Variants in LIMA1 observed in about 807,000 individuals in gnomAD.
The protein encoded by LIMA1 is LIM domain and actin binding 1, also known as LIM domain and actin-binding protein 1.
In LIMA1, 52 loss-of-function variants were observed where a neutral mutation model predicts 62.6. The observed-to-expected ratio is 0.83, with a 90% confidence interval of 0.67 to 1.05. LIMA1 has a LOEUF of 1.05. LIMA1 is among the 50% of genes least tolerant of loss of function. The pLI, the probability that LIMA1 is intolerant of heterozygous loss-of-function variation, is 0.00. For missense variants in LIMA1, 780 were observed against 902.2 expected, an observed-to-expected ratio of 0.86 and a Z score of 1.74; for synonymous variants, 302 against 317.8, an observed-to-expected ratio of 0.95 and a Z score of 0.53.
At chr12:50,237,766 A>G (rs1941716944) in intron 2 of LIMA1, among the ~76,000 whole-genome samples, 1 of 152,268 alleles carries the variant, frequency 6.6e-6, no homozygotes, top group African/African-American at 2.4e-5. Context: ...AACAGAACAC[A>G]CAGCCCAGAA....
At chr12:50,221,557 G>A (rs1187803276) in intron 4 of LIMA1, among the ~76,000 whole-genome samples, 2 of 152,186 alleles carry the variant, frequency 1.3e-5, no homozygotes, top group Non-Finnish European at 2.9e-5. Flanking sequence ...AGGCACAGAT[G>A]AGGAAGTTGA....
At position 50,204,693 on chromosome 12, in the gene LIMA1, C is replaced by T; in HGVS notation, c.723G>A (p.Leu241=). The change falls in exon 6 of 11, where the codon TTG becomes TTA. Residue 241 remains leucine, a synonymous_variant. Coordinates refer to ENST00000341247, the MANE Select transcript of LIMA1 (RefSeq NM_016357.5). The stretch of plus-strand genomic sequence containing the variant: ...TCTCCGAGTCAAATGTAGAAGATGA[C>T]AACTGACCTGGAAGCATCCAAATAA... ...LDDLEIGPGQ[L]SSSTFDSEKN... 1 of 1,614,056 alleles carries T rather than the reference C, an allele frequency of 6.2e-7. No individual in the cohort carries two copies. The highest frequency in any genetic ancestry group is 8.5e-7 in the Non-Finnish European group (1 of 1,179,964).
At chr12:50,185,623 T>A (rs1940613564) in intron 9 of LIMA1, 1 of 388,152 alleles carries the variant, frequency 2.6e-6, no homozygotes, top group Non-Finnish European at 5.1e-6. Context: ...CTCACTCGTA[T>A]CTACCTGAGG....
chr12:50,272,877 C>A (rs1163442760), intron 1 of LIMA1, among the ~76,000 whole-genome samples: 1 of 151,314 alleles, frequency 6.6e-6, no homozygotes, highest in Non-Finnish European at 1.5e-5. Context: ...GAAACCCCTT[C>A]TCTACTAAAA....
rs776522627 is a variant in LIMA1, at chr12:50,204,558, G to A, written c.858C>T (p.Asn286=). The change falls in exon 6 of 11, where the codon AAC becomes AAT. Residue 286 remains asparagine, a synonymous_variant. Coordinates refer to ENST00000341247, the MANE Select transcript of LIMA1 (RefSeq NM_016357.5). Reference sequence around the variant, plus strand: ...AATGATGCAGAACACATACTGTATAGTTGGTTGAGCTGCTTTGTTTGGACA... The same window carrying A: ...AATGATGCAGAACACATACTGTATAATTGGTTGAGCTGCTTTGTTTGGACA... ...AAVSKQSSST[N]YTNELKASGG... 1 of 1,614,016 alleles carries A rather than the reference G, an allele frequency of 6.2e-7. No homozygotes were observed. The highest frequency in any genetic ancestry group is 8.5e-7 in the Non-Finnish European group (1 of 1,179,978).
chr12:50,196,938 T>C (rs939819856), intron 7 of LIMA1, among the ~76,000 whole-genome samples: 8 of 152,212 alleles, frequency 5.3e-5, no homozygotes, highest in African/African-American at 1.9e-4. Context: ...TCTAATGATA[T>C]GAAATAAATT....
chr12:50,257,206 A>G (rs77498015), intron 1 of LIMA1, among the ~76,000 whole-genome samples: 2,707 of 152,298 alleles, frequency 0.018, 82 homozygotes, highest in African/African-American at 0.061. Flanking sequence ...AAATTCTTCT[A>G]TAACGAAGAT....
chr12:50,179,414 A>G (rs1175559076), intron 10 of LIMA1, among the ~76,000 whole-genome samples: 4 of 149,442 alleles, frequency 2.7e-5, no homozygotes, highest in Non-Finnish European at 5.9e-5. Context: ...GGCTGGGATT[A>G]CAGGCGTGAG....
At chr12:50,225,659 T>C (rs1941516572) in intron 3 of LIMA1, among the ~76,000 whole-genome samples, 1 of 152,148 alleles carries the variant, frequency 6.6e-6, no homozygotes, top group Non-Finnish European at 1.5e-5. Context: ...TTCCAGCAGT[T>C]CTCTTGCCTC....
chr12:50,267,655 G>C (rs1167135361), intron 1 of LIMA1, among the ~76,000 whole-genome samples: 1 of 151,674 alleles, frequency 6.6e-6, no homozygotes, highest in East Asian at 1.9e-4. Context: ...GAGTAGTTGG[G>C]ACTACAGGTG....
intron 8 of LIMA1, among the ~76,000 whole-genome samples, chr12:50,192,803 A>G (rs74092543): frequency 0.021 from 3,162 of 152,334 alleles, 102 homozygotes; most frequent in African/African-American, 0.071. Flanking sequence ...CACACGTAGC[A>G]GAAATCCAAA....
At chr12:50,178,966 A>ATATTTTTTTTTTT in intron 10 of LIMA1, among the ~76,000 whole-genome samples, 1 of 128,930 alleles carries the variant, frequency 7.8e-6, no homozygotes, top group Admixed American at 7.6e-5. Flanking sequence ...ATATATATAT[A>ATATTTTTTTTTTT]TTTTTTTTTT....
intron 1 of LIMA1, among the ~76,000 whole-genome samples, chr12:50,270,189 C>T (rs542364525): frequency 4.5e-5 from 6 of 133,724 alleles, no homozygotes; most frequent in South Asian, 2.4e-4. Flanking sequence ...GAGCCGAGAT[C>T]GCGCCATTGT....
chr12:50,235,512 G>A (rs1272976952), intron 2 of LIMA1, among the ~76,000 whole-genome samples: 2 of 152,004 alleles, frequency 1.3e-5, no homozygotes, highest in Non-Finnish European at 2.9e-5. Flanking sequence ...TGATCCACCA[G>A]CCTTGGCCTC....
intron 4 of LIMA1, among the ~76,000 whole-genome samples, chr12:50,212,142 G>A (rs1209353980): frequency 6.6e-6 from 1 of 152,158 alleles, no homozygotes; most frequent in African/African-American, 2.4e-5. Context: ...TTTTAAAACA[G>A]AAATAAAGTA....
At chr12:50,247,699 C>G (rs1212154867) in intron 2 of LIMA1, among the ~76,000 whole-genome samples, 1 of 151,806 alleles carries the variant, frequency 6.6e-6, no homozygotes, top group Non-Finnish European at 1.5e-5. Context: ...TTTCAGCTTA[C>G]TGCAACCTCC....
chr12:50,271,588 G>C lies in LIMA1; in HGVS notation c.-24+11832C>G, dbSNP rs571242447. Among the ~76,000 whole-genome samples, 3 of 152,142 alleles carry C rather than the reference G, an allele frequency of 2.0e-5. No homozygotes were observed. The East Asian group carries it at 5.8e-4, about 29-fold the overall frequency. The stretch of plus-strand genomic sequence containing the variant: ...AGTAAGTAGAAAAACAGATCATTAA[G>C]TCACTAGCTTCAAATTTAAGGTAAA... On this transcript the variant is annotated intron_variant, in intron 1 of 10. Coordinates refer to ENST00000341247, the MANE Select transcript of LIMA1 (RefSeq NM_016357.5).
chr12:50,244,168 G>A (rs143148781), intron 2 of LIMA1, among the ~76,000 whole-genome samples: 4 of 152,082 alleles, frequency 2.6e-5, no homozygotes, highest in South Asian at 2.1e-4. Flanking sequence ...GCGTGATCTC[G>A]GCTCACTGCA....
intron 9 of LIMA1, chr12:50,188,623 G>T (rs1940684857): frequency 1.3e-5 from 2 of 152,210 alleles, no homozygotes; most frequent in Non-Finnish European, 2.9e-5. Flanking sequence ...AGTGCCAAAG[G>T]AGTAGGCATG....
Sources: gnomAD v4.1 joint callset for allele counts (sites outside exome capture counted in the v4.1 genomes callset) on GRCh38, gnomAD v4.1.1 for gene constraint, MANE v1.5 for transcripts, NCBI Gene and HGNC (gene_info 2026-07-23, HGNC 2026-07-21) for gene names.